ZFYVE28: variants seen among roughly 807,000 people sequenced by gnomAD.
The protein encoded by ZFYVE28 is lateral signaling target protein 2 homolog.
ZFYVE28 carries 40 observed loss-of-function variants against 82.1 expected under a neutral mutation model. The ratio of observed to expected loss-of-function variants is 0.49; its 90% CI spans 0.38 to 0.63. The LOEUF (loss-of-function observed/expected upper bound fraction) is 0.63, where lower values mean the gene tolerates loss of function less well. ZFYVE28 is among the 30% of genes least tolerant of loss of function. ZFYVE28 has a pLI of 0.00. For synonymous variants in ZFYVE28, 612 were observed against 546.1 expected (o/e 1.12, Z -1.68); for missense variants, 1,321 against 1,242.1 (o/e 1.06, Z -0.96).
chr4:2,311,176 T>C (rs1375327911), intron 7 of ZFYVE28, among the ~76,000 whole-genome samples: 6 of 152,228 alleles, frequency 3.9e-5, no homozygotes, highest in Non-Finnish European at 8.8e-5. Context: ...TTTTATCTTT[T>C]TTCTCTTGAA....
At position 2,327,251 on chromosome 4, in the gene ZFYVE28, AATATATATATATATATATATATATAT is replaced by A. The variant is rs67940269; in HGVS notation, c.702-7006_702-6981del. Among the ~76,000 whole-genome samples, 154 of 87,328 alleles carry A rather than the reference AATATATATATATATATATATATATAT, an allele frequency of 1.8e-3. 5 individuals are homozygous for A. The highest frequency in any genetic ancestry group is 5.4e-3 in the African/African-American group (104 of 19,394). The allele number at this position is 87,328 out of a possible 152,430, so 57.3% of individuals were successfully genotyped here. A position where few individuals can be genotyped will look rare whatever the true frequency, so the allele number is the denominator to read the frequency against. On this transcript the variant is annotated intron_variant, in intron 6 of 12. Coordinates refer to ENST00000290974, the MANE Select transcript of ZFYVE28 (RefSeq NM_020972.3). The stretch of plus-strand genomic sequence containing the variant: ...GGTGACGGAGCAAGACTCCATCTCA[AATATATATATATATATATATATATAT>A]ATATATATATATATATATATATATA...
intron 1 of ZFYVE28, among the ~76,000 whole-genome samples, chr4:2,403,872 G>A (rs1731478190): frequency 6.6e-6 from 1 of 151,776 alleles, no homozygotes; most frequent in African/African-American, 2.4e-5. Flanking sequence ...AGGAGGCTAA[G>A]GCAGGAGAAT....
chr4:2,270,562 G>C lies in ZFYVE28; in HGVS notation c.*163C>G, dbSNP rs1014413347. 3 of 1,059,618 alleles carry C rather than the reference G, an allele frequency of 2.8e-6. No individual in the cohort carries two copies. In the South Asian group the frequency reaches 4.8e-5, roughly 17 times the overall value. The allele number at this position is 1,059,618 out of a possible 1,614,324, so 65.6% of individuals were successfully genotyped here. On this transcript the variant is annotated 3_prime_UTR_variant, in exon 13 of 13. Transcript: ENST00000290974. ...AGCCGGCCCGGGGTCCCTGCAGGGA[G>C]GCTAGCGTGGGCAGGACAGAGGCTC...
chr4:2,411,734 G>A (rs12644638), intron 1 of ZFYVE28, among the ~76,000 whole-genome samples: 71,435 of 152,010 alleles, frequency 0.47, 17,397 homozygotes, highest in East Asian at 0.65. Context: ...TAGTTTAAAC[G>A]TTCACAAATG....
intron 1 of ZFYVE28, among the ~76,000 whole-genome samples, chr4:2,389,892 C>T (rs576396428): frequency 7.2e-5 from 11 of 152,144 alleles, no homozygotes; most frequent in East Asian, 5.8e-4. Context: ...CGTCCCCTCA[C>T]GGCATCCCCT....
At position 2,363,789 on chromosome 4, in the gene ZFYVE28, T is replaced by C. The variant is rs138656923; in HGVS notation, c.40-9716A>G. Reference sequence around the variant, plus strand: ...CGAAGTAGGAGTCTTCTCTTGGGACTGGTAATTAGCGAATCTGCTTTGAAG... The same window carrying C: ...CGAAGTAGGAGTCTTCTCTTGGGACCGGTAATTAGCGAATCTGCTTTGAAG... On this transcript the variant is annotated intron_variant, in intron 1 of 12. Coordinates refer to ENST00000290974, the MANE Select transcript of ZFYVE28 (RefSeq NM_020972.3). Among the ~76,000 whole-genome samples, 45 of 152,316 alleles carry C rather than the reference T, an allele frequency of 3.0e-4. No homozygotes were observed. The East Asian group carries it at 7.9e-3, about 27-fold the overall frequency.
intron 5 of ZFYVE28, 146 bp downstream of exon 5, chr4:2,337,261 G>C: frequency 1.6e-6 from 1 of 627,928 alleles, no homozygotes. Flanking sequence ...GCCGGATGTA[G>C]TGTGGGAAGA....
In ZFYVE28 at chr4:2,271,301, T is replaced by A; in HGVS notation, c.2532+10A>T. ...GCTGAGGGACCCTCCGTGCAAGGGG[T>A]CTCACCCACCTTCCCACAGCTGCGG... is the stretch of plus-strand genomic sequence containing the variant. On this transcript the variant is annotated intron_variant, in intron 12 of 12. Coordinates refer to ENST00000290974, the MANE Select transcript of ZFYVE28 (RefSeq NM_020972.3). 1.2e-6 allele frequency: 2 copies of A among 1,611,750 alleles called. No individual in the cohort carries two copies. The highest frequency in any genetic ancestry group is 1.7e-6 in the Non-Finnish European group (2 of 1,179,392).
intron 7 of ZFYVE28, among the ~76,000 whole-genome samples, chr4:2,310,207 T>C (rs6849409): frequency 0.022 from 3,413 of 152,048 alleles, 117 homozygotes; most frequent in African/African-American, 0.079. Flanking sequence ...CTCAACTAAT[T>C]TGTAAATTTT....
chr4:2,271,323 G>A lies in ZFYVE28; in HGVS notation c.2520C>T (p.Arg840=). ...GGGTCTCACCCACCTTCCCACAGCTGCGGCAGTGGTGCTTCCGGCGGATGA... is the reference window on the plus strand; with the variant it reads ...GGGTCTCACCCACCTTCCCACAGCTACGGCAGTGGTGCTTCCGGCGGATGA... ...FTVIRRKHHC[R]SCGKIFCSRC... is the part of the protein sequence containing the mutation. The change falls in exon 12 of 13, where the codon CGC becomes CGT. Residue 840 remains arginine, a synonymous_variant. Transcript: ENST00000290974. The A allele has an allele frequency of 6.2e-7, 1 of 1,612,960 alleles. No individual in the cohort carries two copies. The highest frequency in any genetic ancestry group is 8.5e-7 in the Non-Finnish European group (1 of 1,179,936).
intron 6 of ZFYVE28, chr4:2,330,606 C>T: frequency 7.7e-7 from 1 of 1,299,542 alleles, no homozygotes; most frequent in East Asian, 3.4e-5. Flanking sequence ...GAGGAGGGAA[C>T]AGCATAGACA....
At chr4:2,360,170 C>A (rs1033658778) in intron 1 of ZFYVE28, among the ~76,000 whole-genome samples, 11 of 151,994 alleles carry the variant, frequency 7.2e-5, no homozygotes, top group Non-Finnish European at 1.3e-4. Flanking sequence ...CCATTGCCCC[C>A]GAGAACAGGG....
At chr4:2,291,799 C>G (rs1713750069) in intron 8 of ZFYVE28, among the ~76,000 whole-genome samples, 1 of 152,234 alleles carries the variant, frequency 6.6e-6, no homozygotes, top group African/African-American at 2.4e-5. Flanking sequence ...GACATGAACC[C>G]TGCCTGGGTG....
At chr4:2,403,924 G>A (rs1290990479) in intron 1 of ZFYVE28, among the ~76,000 whole-genome samples, 2 of 148,136 alleles carry the variant, frequency 1.4e-5, no homozygotes, top group Non-Finnish European at 3.0e-5. Context: ...AGCAGATATT[G>A]CGCCATTGCA....
At chr4:2,398,459 A>G (rs1730723212) in intron 1 of ZFYVE28, among the ~76,000 whole-genome samples, 1 of 152,216 alleles carries the variant, frequency 6.6e-6, no homozygotes, top group Non-Finnish European at 1.5e-5. Context: ...AGGAGAGGTC[A>G]TGGCAGGTTT....
intron 1 of ZFYVE28, among the ~76,000 whole-genome samples, chr4:2,406,271 C>T (rs1318379531): frequency 6.7e-6 from 1 of 149,868 alleles, no homozygotes; most frequent in Non-Finnish European, 1.5e-5. Context: ...ACTCGAGAGG[C>T]TGAGGCAGGA....
rs1730187847 is a variant in ZFYVE28, at chr4:2,394,289, T to C, written c.39+23996A>G. On this transcript the variant is annotated intron_variant, in intron 1 of 12. Transcript: ENST00000290974. This position sits in a 1 kb window ranked among gnomAD's most constrained non-coding sequence, Gnocchi z 4.0. Reference sequence around the variant, plus strand: ...CCACACACCTCATAGATTCATGGGTTCCAGGGATTCACACATGGACACCTT... The same window carrying C: ...CCACACACCTCATAGATTCATGGGTCCCAGGGATTCACACATGGACACCTT... 1.3e-5 allele frequency among the ~76,000 whole-genome samples: 2 copies of C among 152,280 alleles called. No homozygotes were observed. The highest frequency in any genetic ancestry group is 2.9e-5 in the Non-Finnish European group (2 of 68,034).
chr4:2,375,281 C>G (rs1728000398), intron 1 of ZFYVE28, among the ~76,000 whole-genome samples: 1 of 152,166 alleles, frequency 6.6e-6, no homozygotes, highest in Non-Finnish European at 1.5e-5. Flanking sequence ...TTAAGTCATT[C>G]CAACTGATTT....
chr4:2,388,615 G>A (rs776240815), intron 1 of ZFYVE28, among the ~76,000 whole-genome samples: 3 of 152,290 alleles, frequency 2.0e-5, no homozygotes, highest in Middle Eastern at 3.4e-3. Context: ...AAGGAACATA[G>A]GAGAGCTTAG....
Sources: gnomAD v4.1 joint callset for allele counts (sites outside exome capture counted in the v4.1 genomes callset) on GRCh38, gnomAD v4.1.1 for gene constraint, Gnocchi (gnomAD v3.1) non-coding constraint, MANE v1.5 for transcripts, NCBI Gene and HGNC (gene_info 2026-07-23, HGNC 2026-07-21) for gene names.